UCHL5: variants seen among roughly 807,000 people sequenced by gnomAD.
UCHL5 encodes ubiquitin C-terminal hydrolase L5.
Under a neutral mutation model 53.8 loss-of-function variants are expected in UCHL5, and 34 were observed. The observed-to-expected ratio is 0.63, with a 90% CI of 0.48 to 0.84. UCHL5 has a LOEUF of 0.84. Ranked by LOEUF, UCHL5 falls within the 40% of genes least tolerant of loss-of-function variation. The probability of loss-of-function intolerance (pLI) is 0.00; values close to 1 mark genes in which losing one functional copy is unlikely to be tolerated. For missense variants in UCHL5, 290 were observed against 385.6 expected, an observed-to-expected ratio of 0.75 and a Z score of 2.08; for synonymous variants, 111 against 126.3, an observed-to-expected ratio of 0.88 and a Z score of 0.81.
intron 7 of UCHL5, among the ~76,000 whole-genome samples, chr1:193,025,144 C>A (rs962916514): frequency 6.6e-6 from 1 of 151,320 alleles, no homozygotes; most frequent in African/African-American, 2.4e-5. Context: ...CAGGCACAGA[C>A]AAAAAAAAGC....
intron 10 of UCHL5, among the ~76,000 whole-genome samples, chr1:193,019,068 A>G (rs1004082558): frequency 2.0e-5 from 3 of 151,644 alleles, no homozygotes; most frequent in African/African-American, 7.2e-5. Flanking sequence ...GAACAAAAAT[A>G]TATTCTTGCA....
At position 193,038,454 on chromosome 1, in the gene UCHL5, CA is replaced by C. The variant is rs35259109; in HGVS notation, c.247-8798del. Among the ~76,000 whole-genome samples, 627 of 70,954 alleles carry C rather than the reference CA, an allele frequency of 8.8e-3. 6 individuals are homozygous for C. The highest frequency in any genetic ancestry group is 9.4e-3 in the Non-Finnish European group (326 of 34,850). 46.5% of individuals were successfully genotyped at this position (70,954 alleles called of 152,430 possible). A position where few individuals can be genotyped will look rare whatever the true frequency, so the allele number is the denominator to read the frequency against. ...TGGGCGACAGAGTGAGACTTCATCT[CA>C]AAAAAAAAAAAAAAAACCACAGTCT... On this transcript the variant is annotated intron_variant, in intron 3 of 10. Coordinates refer to ENST00000367454, the MANE Select transcript of UCHL5 (RefSeq NM_001199261.3).
rs1571379742 is a variant in UCHL5, at chr1:193,013,849, T to C, written c.*2502A>G. Reference sequence around the variant, plus strand: ...TGTGATTCCCGAGCAAATATTTGTCTGTTTTAGTGGCACAGTCGAGCTGAC... The same window carrying C: ...TGTGATTCCCGAGCAAATATTTGTCCGTTTTAGTGGCACAGTCGAGCTGAC... On this transcript the variant is annotated 3_prime_UTR_variant, in exon 11 of 11. Coordinates refer to ENST00000367454, the MANE Select transcript of UCHL5 (RefSeq NM_001199261.3). The C allele has an allele frequency of 6.6e-6, 1 of 152,200 alleles. No homozygotes were observed. The highest frequency in any genetic ancestry group is 1.5e-5 in the Non-Finnish European group (1 of 68,038). 9.4% of individuals were successfully genotyped at this position (152,200 alleles called of 1,614,324 possible).
intron 10 of UCHL5, among the ~76,000 whole-genome samples, chr1:193,019,623 G>A (rs1656164996): frequency 6.6e-6 from 1 of 151,564 alleles, no homozygotes; most frequent in Non-Finnish European, 1.5e-5. Context: ...CTAACATCAG[G>A]TATTTATATG....
Position 193,013,882 on chromosome 1 carries a change from C to A in UCHL5, c.*2469G>T, listed in dbSNP as rs991957381. ...TGGCACAGTCGAGCTGACTGCTGTT[C>A]GGAAAAGGGCAAGCTATCTTGGGAA... On this transcript the variant is annotated 3_prime_UTR_variant, in exon 11 of 11. Coordinates refer to ENST00000367454, the MANE Select transcript of UCHL5 (RefSeq NM_001199261.3). The A allele has an allele frequency of 6.6e-6, 1 of 152,146 alleles. No homozygotes were observed. The highest frequency in any genetic ancestry group is 1.9e-4 in the East Asian group (1 of 5,166). 9.4% of individuals were successfully genotyped at this position (152,146 alleles called of 1,614,324 possible).
intron 10 of UCHL5, chr1:193,020,195 AAAACT>A: frequency 3.6e-6 from 5 of 1,374,516 alleles, no homozygotes; most frequent in Non-Finnish European, 4.7e-6. Context: ...ATATACACAA[AAAACT>A]TATTAGCTCA....
chr1:193,024,048 C>A, intron 7 of UCHL5, 102 bp from the exon 8 acceptor site: 1 of 855,466 alleles, frequency 1.2e-6, no homozygotes, highest in Non-Finnish European at 1.7e-6. Context: ...CTAGTATAAA[C>A]AAAAGTCTAT....
At chr1:193,030,531 C>T (rs1159650271) in intron 3 of UCHL5, among the ~76,000 whole-genome samples, 1 of 152,108 alleles carries the variant, frequency 6.6e-6, no homozygotes, top group East Asian at 1.9e-4. Flanking sequence ...TCCACACTGC[C>T]TAAGCACCTA....
intron 3 of UCHL5, among the ~76,000 whole-genome samples, chr1:193,033,809 T>C (rs1048290836): frequency 3.3e-5 from 5 of 152,034 alleles, no homozygotes; most frequent in African/African-American, 1.2e-4. Flanking sequence ...TTTTCACAAA[T>C]GTGAAATTTT....
intron 3 of UCHL5, among the ~76,000 whole-genome samples, chr1:193,047,889 C>T (rs541256910): frequency 6.6e-6 from 1 of 152,058 alleles, no homozygotes; most frequent in African/African-American, 2.4e-5. Context: ...CACTGACATA[C>T]ATAAGAGTTT....
chr1:193,051,476 T>TAAAAAAAAAAAAAAAAA (rs375074775), intron 2 of UCHL5, among the ~76,000 whole-genome samples: 2 of 119,754 alleles, frequency 1.7e-5, no homozygotes, highest in Admixed American at 8.8e-5. Flanking sequence ...GTGAATTTTG[T>TAAAAAAAAAAAAAAAAA]AAAAAAAAAA....
At chr1:193,047,677 A>G (rs1466730414) in intron 3 of UCHL5, among the ~76,000 whole-genome samples, 1 of 152,224 alleles carries the variant, frequency 6.6e-6, no homozygotes, top group Non-Finnish European at 1.5e-5. Flanking sequence ...AACAAATGCA[A>G]TCAAAGTATT....
chr1:193,026,852 T>C (rs1406174419), intron 7 of UCHL5, among the ~76,000 whole-genome samples: 1 of 152,162 alleles, frequency 6.6e-6, no homozygotes, highest in Non-Finnish European at 1.5e-5. Context: ...ACAATCCAGA[T>C]GTCCTTCAAT....
intron 10 of UCHL5, chr1:193,019,909 T>C: frequency 1.0e-6 from 1 of 971,058 alleles, no homozygotes; most frequent in Non-Finnish European, 1.2e-6. Context: ...ATCACATATT[T>C]AGCACATTTT....
At chr1:193,036,306 C>A (rs1273157847) in intron 3 of UCHL5, among the ~76,000 whole-genome samples, 1 of 74,578 alleles carries the variant, frequency 1.3e-5, no homozygotes, top group Admixed American at 2.0e-4. Context: ...ATATTCTGTG[C>A]AACTGGAAAC....
chr1:193,043,561 C>A (rs1002878191), intron 3 of UCHL5, among the ~76,000 whole-genome samples: 4 of 152,188 alleles, frequency 2.6e-5, no homozygotes, highest in Non-Finnish European at 4.4e-5. Flanking sequence ...GAGATGAGTT[C>A]TAAGTCCTTG....
At chr1:193,034,722 G>A (rs1304263627) in intron 3 of UCHL5, among the ~76,000 whole-genome samples, 2 of 151,950 alleles carry the variant, frequency 1.3e-5, no homozygotes, top group African/African-American at 2.4e-5. Context: ...TAACCCAATA[G>A]TGCATAAAAA....
intron 1 of UCHL5, chr1:193,057,328 C>T (rs1253412147): frequency 1.2e-5 from 2 of 166,444 alleles, no homozygotes; most frequent in Admixed American, 5.8e-5. Context: ...GTAAGGTTGG[C>T]AGCCCTGAGA....
At chr1:193,045,499 C>T (rs1308654139) in intron 3 of UCHL5, among the ~76,000 whole-genome samples, 4 of 152,178 alleles carry the variant, frequency 2.6e-5, no homozygotes, top group Non-Finnish European at 5.9e-5. Flanking sequence ...CCAGCTCAGC[C>T]ATGTGAGATG....
Sources: allele counts gnomAD v4.1 joint callset (sites outside exome capture counted in the v4.1 genomes callset), GRCh38; gene constraint gnomAD v4.1.1; transcripts MANE v1.5; gene names NCBI Gene and HGNC (gene_info 2026-07-23, HGNC 2026-07-21).